CLEC16A: variants seen among roughly 807,000 people sequenced by gnomAD.
CLEC16A encodes protein CLEC16A.
A neutral mutation model predicts 109.5 loss-of-function variants in CLEC16A; 51 were observed. That is an observed-to-expected ratio of 0.47 (90% confidence interval 0.37 to 0.59). The LOEUF (loss-of-function observed/expected upper bound fraction) is 0.59, where lower values mean the gene tolerates loss of function less well. Ranked by LOEUF, CLEC16A falls within the 20% of genes least tolerant of loss-of-function variation. CLEC16A has a pLI of 0.00. For missense variants in CLEC16A, 1,339 were observed against 1,394.0 expected (o/e 0.96, Z 0.63); for synonymous variants, 673 against 564.2 (o/e 1.19, Z -2.73).
intron 23 of CLEC16A, among the ~76,000 whole-genome samples, chr16:11,167,325 G>A (rs549224163): frequency 3.3e-5 from 5 of 152,186 alleles, no homozygotes; most frequent in Admixed American, 1.3e-4. Flanking sequence ...TGGGTCGGGG[G>A]GTCACACCAA....
chr16:11,040,099 C>T (rs1023248992), intron 14 of CLEC16A: 1 of 497,662 alleles, frequency 2.0e-6, no homozygotes, highest in Non-Finnish European at 3.5e-6. Context: ...TCCCCTGCCA[C>T]TTGGTAACCA....
At chr16:10,947,644 C>T (rs986512566) in intron 1 of CLEC16A, among the ~76,000 whole-genome samples, 10 of 152,214 alleles carry the variant, frequency 6.6e-5, no homozygotes, top group Non-Finnish European at 1.0e-4. Context: ...TCTGACACTT[C>T]GGGTGACCAA....
chr16:10,959,678 C>T (rs925189634), intron 2 of CLEC16A, among the ~76,000 whole-genome samples: 2 of 151,436 alleles, frequency 1.3e-5, no homozygotes, highest in Admixed American at 6.6e-5. Flanking sequence ...AGGCATGAGC[C>T]ACCGTGCCCA....
intron 22 of CLEC16A, chr16:11,126,402 G>A (rs1467561923): frequency 7.0e-7 from 1 of 1,429,214 alleles, no homozygotes; most frequent in African/African-American, 1.4e-5. Flanking sequence ...TCTCAGAATT[G>A]ACTAAGAATT....
At chr16:11,047,474 G>T in intron 17 of CLEC16A, 132 bp downstream of exon 17, 1 of 477,214 alleles carries the variant, frequency 2.1e-6, no homozygotes, top group Non-Finnish European at 3.5e-6. Flanking sequence ...TGGGGAAGCA[G>T]ATTTAGAATG....
intron 19 of CLEC16A, among the ~76,000 whole-genome samples, chr16:11,092,900 CTG>C (rs2050393630): frequency 6.6e-6 from 1 of 152,220 alleles, no homozygotes; most frequent in Non-Finnish European, 1.5e-5. Flanking sequence ...TGCATGGTGA[CTG>C]TCGTTATCCT....
At chr16:10,998,234 A>T (rs1229243567) in intron 10 of CLEC16A, among the ~76,000 whole-genome samples, 2 of 152,180 alleles carry the variant, frequency 1.3e-5, no homozygotes, top group Non-Finnish European at 2.9e-5. Context: ...ACGCTTAGGG[A>T]GTAGTTAGGC....
At chr16:11,108,616 G>C (rs940061937) in intron 19 of CLEC16A, among the ~76,000 whole-genome samples, 1 of 152,210 alleles carries the variant, frequency 6.6e-6, no homozygotes, top group Non-Finnish European at 1.5e-5. Context: ...TCAGGAGAGT[G>C]TGAAGTTCAC....
At chr16:11,074,558 AT>A (rs887842947) in intron 19 of CLEC16A, among the ~76,000 whole-genome samples, 6 of 150,958 alleles carry the variant, frequency 4.0e-5, no homozygotes, top group African/African-American at 1.2e-4. Context: ...TGCTGGACCT[AT>A]TTTTTTTTCC....
chr16:11,103,805 C>T (rs1354157360), intron 19 of CLEC16A, among the ~76,000 whole-genome samples: 2 of 152,074 alleles, frequency 1.3e-5, no homozygotes, highest in Admixed American at 1.3e-4. Flanking sequence ...AGTCCAGCAC[C>T]CCCAGAAATG....
chr16:11,115,116 C>T (rs1041190561), intron 19 of CLEC16A, among the ~76,000 whole-genome samples: 9 of 152,192 alleles, frequency 5.9e-5, no homozygotes, highest in African/African-American at 2.2e-4. Context: ...GGGAGTCGCA[C>T]TGCCTGGGAC....
At chr16:11,005,097 A>G (rs550514348) in intron 11 of CLEC16A, among the ~76,000 whole-genome samples, 20 of 152,132 alleles carry the variant, frequency 1.3e-4, no homozygotes, top group Non-Finnish European at 2.8e-4. Context: ...GAAAGATGCT[A>G]CCTCTTTCAT....
intron 16 of CLEC16A, among the ~76,000 whole-genome samples, chr16:11,046,438 A>G (rs1234060069): frequency 6.6e-6 from 1 of 152,118 alleles, no homozygotes; most frequent in Non-Finnish European, 1.5e-5. Flanking sequence ...AAAACCTAAA[A>G]AGGATCTATT....
intron 11 of CLEC16A, among the ~76,000 whole-genome samples, chr16:11,017,547 A>G (rs973101020): frequency 2.0e-5 from 3 of 152,216 alleles, no homozygotes; most frequent in African/African-American, 7.2e-5. Flanking sequence ...GTGTTTACTG[A>G]CTTTCTTCCA....
At chr16:11,088,358 A>G (rs1377315284) in intron 19 of CLEC16A, among the ~76,000 whole-genome samples, 1 of 152,210 alleles carries the variant, frequency 6.6e-6, no homozygotes, top group Non-Finnish European at 1.5e-5. Flanking sequence ...TCTGTCCCAC[A>G]CCAGGGTATC....
intron 19 of CLEC16A, among the ~76,000 whole-genome samples, chr16:11,103,012 G>C (rs2051009590): frequency 6.6e-6 from 1 of 152,232 alleles, no homozygotes. Context: ...CCACAAGGCT[G>C]AACTGTCCCT....
intron 11 of CLEC16A, among the ~76,000 whole-genome samples, chr16:11,019,441 G>A (rs1475200355): frequency 7.2e-6 from 1 of 138,408 alleles, no homozygotes; most frequent in Non-Finnish European, 1.5e-5. Context: ...AAAACAAAAG[G>A]CTTCAGTCAC....
chr16:11,119,993 G>C, intron 19 of CLEC16A, among the ~76,000 whole-genome samples: 1 of 151,892 alleles, frequency 6.6e-6, no homozygotes, highest in Non-Finnish European at 1.5e-5. Flanking sequence ...TGTTTGAGAC[G>C]GAGTTTTGCT....
At chr16:11,113,000 A>T (rs544187705) in intron 19 of CLEC16A, among the ~76,000 whole-genome samples, 1 of 152,356 alleles carries the variant, frequency 6.6e-6, no homozygotes, top group African/African-American at 2.4e-5. Context: ...TGCCTAGTAC[A>T]GAGCCTGGCC....
Sources: allele counts gnomAD v4.1 joint callset (sites outside exome capture counted in the v4.1 genomes callset), GRCh38; gene constraint gnomAD v4.1.1; transcripts MANE v1.5; gene names NCBI Gene and HGNC (gene_info 2026-07-23, HGNC 2026-07-21).